The following PEX5L variants were observed in gnomAD, a reference collection of about 807,000 sequenced individuals.
The protein encoded by PEX5L is peroxisomal biogenesis factor 5 like.
Under a neutral mutation model 84.0 loss-of-function variants are expected in PEX5L, and 30 were observed. The observed-to-expected ratio is 0.36, with a 90% confidence interval of 0.27 to 0.48. PEX5L has a LOEUF of 0.48. PEX5L is among the 20% of genes least tolerant of loss of function. The pLI is 0.99. For missense variants in PEX5L, 533 were observed against 754.6 expected, an observed-to-expected ratio of 0.71 and a Z score of 3.44; for synonymous variants, 270 against 283.1, an observed-to-expected ratio of 0.95 and a Z score of 0.46.
chr3:179,937,781 A>T (rs766157334), intron 2 of PEX5L, among the ~76,000 whole-genome samples: 2 of 152,190 alleles, frequency 1.3e-5, no homozygotes, highest in South Asian at 2.1e-4. Flanking sequence ...ATTTGTTAGG[A>T]CTACCCAATA....
intron 2 of PEX5L, among the ~76,000 whole-genome samples, chr3:179,926,294 A>G (rs1771434333): frequency 1.3e-5 from 2 of 152,076 alleles, no homozygotes; most frequent in South Asian, 4.1e-4. Context: ...GGCAAATCCG[A>G]TTACATCAGT....
rs142748887 is a variant in PEX5L, at chr3:179,925,431, A to G, written c.94-27185T>C. Reference sequence around the variant, plus strand: ...CAGATACTACACATATTTTTATCCTATCCTTCTAATGACAAGAAGTAACAT... The same window carrying G: ...CAGATACTACACATATTTTTATCCTGTCCTTCTAATGACAAGAAGTAACAT... On this transcript the variant is annotated intron_variant, in intron 2 of 14. Coordinates refer to ENST00000467460, the MANE Select transcript of PEX5L (RefSeq NM_016559.3). Among the ~76,000 whole-genome samples the G allele has an allele frequency of 3.2e-4, 49 of 152,198 alleles. No individual in the cohort carries two copies. In the East Asian group the frequency reaches 8.9e-3, roughly 28 times the overall value.
chr3:179,839,503 C>T (rs964122013), intron 8 of PEX5L, among the ~76,000 whole-genome samples: 7 of 152,200 alleles, frequency 4.6e-5, no homozygotes, highest in South Asian at 2.1e-4. Flanking sequence ...TCCAATTGAG[C>T]GCTAGATTAT....
intron 8 of PEX5L, among the ~76,000 whole-genome samples, chr3:179,824,073 T>C (rs992182498): frequency 1.3e-5 from 2 of 152,094 alleles, no homozygotes; most frequent in Admixed American, 6.6e-5. Context: ...TTAATTATAT[T>C]AAGATATGAA....
chr3:179,868,789 C>T (rs756820487), intron 7 of PEX5L, among the ~76,000 whole-genome samples: 4 of 152,114 alleles, frequency 2.6e-5, no homozygotes, highest in Admixed American at 1.3e-4. Flanking sequence ...CCTCCCATAA[C>T]GCATCCTGCA....
At chr3:180,019,481 T>C (rs1267480330) in intron 1 of PEX5L, among the ~76,000 whole-genome samples, 1 of 152,202 alleles carries the variant, frequency 6.6e-6, no homozygotes, top group Non-Finnish European at 1.5e-5. Context: ...CTTATGAGGA[T>C]ACCTCATTTT....
rs116965635 is a variant in PEX5L, at chr3:179,805,923, C to T, written c.1676+1751G>A. 7.1e-3 allele frequency among the ~76,000 whole-genome samples: 1,074 copies of T among 151,170 alleles called. 23 individuals carry two copies. The highest frequency in any genetic ancestry group is 0.019 in the East Asian group (97 of 5,146). On this transcript the variant is annotated intron_variant, in intron 14 of 14. Coordinates refer to ENST00000467460, the MANE Select transcript of PEX5L (RefSeq NM_016559.3). ...TGGCCACTCAATTATTGTTTTCTAA[C>T]CCTAAGAAGTTATAATTAAGAAAAA...
intron 1 of PEX5L, among the ~76,000 whole-genome samples, chr3:179,995,054 A>G (rs1481229008): frequency 6.7e-6 from 1 of 148,648 alleles, no homozygotes; most frequent in Non-Finnish European, 1.5e-5. Context: ...ATATATATAT[A>G]TGTAGTTATA....
At chr3:179,805,835 G>A (rs1298190237) in intron 14 of PEX5L, among the ~76,000 whole-genome samples, 1 of 151,892 alleles carries the variant, frequency 6.6e-6, no homozygotes, top group African/African-American at 2.4e-5. Context: ...GAGCCTTCAT[G>A]GGTCCCTGAA....
chr3:179,808,167 G>A (rs1387679023), intron 13 of PEX5L, 105 bp downstream of exon 13: 1 of 900,124 alleles, frequency 1.1e-6, no homozygotes, highest in Non-Finnish European at 1.6e-6. Context: ...TTAAACCATT[G>A]GAGTCAGGGA....
chr3:179,926,328 T>C (rs540855969), intron 2 of PEX5L, among the ~76,000 whole-genome samples: 25 of 152,280 alleles, frequency 1.6e-4, no homozygotes, highest in Non-Finnish European at 5.9e-5. Flanking sequence ...CCAGCCAAGA[T>C]TGGATCCTAC....
chr3:179,957,684 G>T (rs1398016460), intron 2 of PEX5L, among the ~76,000 whole-genome samples: 2 of 152,190 alleles, frequency 1.3e-5, no homozygotes, highest in Non-Finnish European at 2.9e-5. Flanking sequence ...AGGCTTTCTG[G>T]TTTTGTGCCA....
intron 4 of PEX5L, chr3:179,881,128 T>C (rs1251824589): frequency 6.6e-6 from 1 of 152,266 alleles, no homozygotes; most frequent in Admixed American, 6.5e-5. Flanking sequence ...TGTGGCAGTC[T>C]ACAACAATGA....
intron 14 of PEX5L, among the ~76,000 whole-genome samples, chr3:179,806,486 T>A (rs559260912): frequency 1.3e-5 from 2 of 151,986 alleles, no homozygotes; most frequent in East Asian, 3.9e-4. Context: ...TTTGTAAGAG[T>A]TTTTTCGTAC....
chr3:179,974,003 T>G (rs1442407269), intron 1 of PEX5L: 2 of 985,310 alleles, frequency 2.0e-6, no homozygotes, highest in African/African-American at 3.5e-5. Flanking sequence ...CATAATGGTA[T>G]TCACTCACTT....
intron 1 of PEX5L, among the ~76,000 whole-genome samples, chr3:179,976,657 C>T (rs913394809): frequency 1.1e-4 from 17 of 152,094 alleles, no homozygotes; most frequent in African/African-American, 3.6e-4. Context: ...AGGATGGTCT[C>T]AAACTCCTGA....
intron 2 of PEX5L, among the ~76,000 whole-genome samples, chr3:179,905,241 A>G (rs1762734556): frequency 6.6e-6 from 1 of 151,206 alleles, no homozygotes; most frequent in Non-Finnish European, 1.5e-5. Context: ...CTGACCATCC[A>G]GGGGCACTTC....
chr3:179,823,338 GAT>G (rs1475658466), intron 8 of PEX5L, among the ~76,000 whole-genome samples: 5 of 152,104 alleles, frequency 3.3e-5, no homozygotes, highest in Non-Finnish European at 7.4e-5. Flanking sequence ...CAATTAAAAT[GAT>G]GTTTATGAAT....
chr3:179,934,204 T>C (rs1773944536), intron 2 of PEX5L, among the ~76,000 whole-genome samples: 1 of 152,200 alleles, frequency 6.6e-6, no homozygotes, highest in African/African-American at 2.4e-5. Flanking sequence ...CTTATATGTA[T>C]TTTCATAGAG....
Sources: gnomAD v4.1 joint callset for allele counts (sites outside exome capture counted in the v4.1 genomes callset) on GRCh38, gnomAD v4.1.1 for gene constraint, MANE v1.5 for transcripts, NCBI Gene and HGNC (gene_info 2026-07-23, HGNC 2026-07-21) for gene names.